ZNF710: variants seen among roughly 807,000 people sequenced by gnomAD.
ZNF710 encodes the protein zinc finger protein 710.
A neutral mutation model predicts 50.6 loss-of-function variants in ZNF710; 13 were observed. The ratio of observed to expected loss-of-function variants is 0.26; its 90% CI spans 0.17 to 0.41. ZNF710 has a LOEUF of 0.41. ZNF710 is among the 10% of genes least tolerant of loss of function. ZNF710 has a pLI of 1.00. For missense variants in ZNF710, 721 were observed against 936.6 expected (o/e 0.77, Z 3.01); for synonymous variants, 383 against 397.0 (o/e 0.96, Z 0.42).
intron 1 of ZNF710, among the ~76,000 whole-genome samples, chr15:90,024,195 A>C (rs1898705054): frequency 6.6e-6 from 1 of 152,192 alleles, no homozygotes. Context: ...CCACTGGGGC[A>C]CTGGGCACCC....
chr15:90,053,959 G>A (rs945472665), intron 1 of ZNF710, among the ~76,000 whole-genome samples: 9 of 152,140 alleles, frequency 5.9e-5, no homozygotes, highest in African/African-American at 2.2e-4. Flanking sequence ...GAGATGACCC[G>A]AGAGAGAGAA....
chr15:90,065,179 G>A (rs989704223), intron 1 of ZNF710, among the ~76,000 whole-genome samples: 2 of 152,200 alleles, frequency 1.3e-5, no homozygotes, highest in South Asian at 2.1e-4. Context: ...CTAAATTCCT[G>A]TCTGGGGTAT....
chr15:90,033,566 G>C (rs1469940185), intron 1 of ZNF710, among the ~76,000 whole-genome samples: 2 of 152,112 alleles, frequency 1.3e-5, no homozygotes, highest in East Asian at 3.8e-4. Context: ...TGTTTTTTTA[G>C]AGACAGGTTC....
At position 90,001,966 on chromosome 15, in the gene ZNF710, TGAGAGA is replaced by T. The variant is rs745830369; in HGVS notation, c.-29+378_-29+383del. ...GGCGAGAGGGAGGAGAGCGCGCGAA[TGAGAGA>T]GAGAGAGAGAGAGAGAGAGAGAGAG... On this transcript the variant is annotated intron_variant, in intron 1 of 4. Coordinates refer to ENST00000268154, the MANE Select transcript of ZNF710 (RefSeq NM_198526.4). 1.8e-3 allele frequency among the ~76,000 whole-genome samples: 173 copies of T among 96,816 alleles called. 1 individual carries two copies. The highest frequency in any genetic ancestry group is 2.6e-3 in the African/African-American group (62 of 23,602). 63.5% of individuals were successfully genotyped at this position (96,816 alleles called of 152,430 possible).
intron 1 of ZNF710, among the ~76,000 whole-genome samples, chr15:90,005,339 G>A (rs1043549020): frequency 1.3e-5 from 2 of 152,224 alleles, no homozygotes; most frequent in Admixed American, 6.5e-5. Context: ...GTGAGTCATT[G>A]CTTCAAACAA....
At chr15:90,078,226 A>AG (rs1246499927) in intron 4 of ZNF710, among the ~76,000 whole-genome samples, 1 of 149,502 alleles carries the variant, frequency 6.7e-6, no homozygotes, top group African/African-American at 2.5e-5. Flanking sequence ...AAAAAAAAAA[A>AG]AAGAAGAGAA....
In ZNF710 at chr15:90,064,138, G is replaced by A. The variant is rs1216363376; in HGVS notation, c.-28-2972G>A. Among the ~76,000 whole-genome samples the A allele has an allele frequency of 2.6e-5, 4 of 152,364 alleles. No homozygotes were observed. The East Asian group carries it at 7.7e-4, about 29-fold the overall frequency. On this transcript the variant is annotated intron_variant, in intron 1 of 4. Transcript: ENST00000268154. ...CCCAAACCCCACAACAGACAGGAGG[G>A]TTGCCGCTGGGTGCTGTGTCAGACG...
intron 2 of ZNF710, among the ~76,000 whole-genome samples, chr15:90,070,806 A>G (rs541330075): frequency 6.6e-6 from 1 of 152,328 alleles, no homozygotes; most frequent in East Asian, 1.9e-4. Flanking sequence ...GCAACAGAGC[A>G]AGACTCTGTC....
intron 1 of ZNF710, among the ~76,000 whole-genome samples, chr15:90,061,095 G>A (rs1228832605): frequency 6.6e-6 from 1 of 152,160 alleles, no homozygotes; most frequent in African/African-American, 2.4e-5. Flanking sequence ...GCCTGGCCTG[G>A]CAGAAGCCCC....
At position 90,037,484 on chromosome 15, in the gene ZNF710, C is replaced by G. The variant is rs138744529; in HGVS notation, c.-28-29626C>G. Among the ~76,000 whole-genome samples the G allele has an allele frequency of 3.7e-3, 565 of 152,292 alleles. 3 individuals are homozygous for G. Among genetic ancestry groups the G allele is most frequent in the African/African-American group, 0.013 (531 of 41,564 alleles). On this transcript the variant is annotated intron_variant, in intron 1 of 4. Transcript: ENST00000268154. ...CTAGGGGAGCACTAAGCATAGGTGT[C>G]CCTAGAGAGTCAGCTGGAAGGGACC...
chr15:90,046,603 C>G (rs1899469601), intron 1 of ZNF710, among the ~76,000 whole-genome samples: 2 of 152,106 alleles, frequency 1.3e-5, no homozygotes, highest in South Asian at 4.1e-4. Context: ...TCAGTAGTGA[C>G]CAGACCCAGG....
In ZNF710 at chr15:90,062,827, TACAC is replaced by T. The variant is rs917517668; in HGVS notation, c.-28-4278_-28-4275del. ...CCTCCTCAGCAGAGCCCCTTCTGCA[TACAC>T]ACACGCGCGCACGCGCACACACACA... is the stretch of plus-strand genomic sequence containing the variant. On this transcript the variant is annotated intron_variant, in intron 1 of 4. Coordinates refer to ENST00000268154, the MANE Select transcript of ZNF710 (RefSeq NM_198526.4). This position sits in a 1 kb window ranked among gnomAD's most constrained non-coding sequence, Gnocchi z 5.6. Among the ~76,000 whole-genome samples, 82 of 152,198 alleles carry T rather than the reference TACAC, an allele frequency of 5.4e-4. No homozygotes were observed. Among genetic ancestry groups the T allele is most frequent in the African/African-American group, 2.0e-3 (82 of 41,524 alleles).
chr15:90,002,409 C>T (rs1310191242), intron 1 of ZNF710: 2 of 151,958 alleles, frequency 1.3e-5, no homozygotes, highest in Non-Finnish European at 2.9e-5. Context: ...GGGCGGGGTC[C>T]CTACGGCCCG....
At chr15:90,006,755 G>A (rs954560973) in intron 1 of ZNF710, 12 of 154,916 alleles carry the variant, frequency 7.7e-5, no homozygotes, top group Admixed American at 3.3e-4. Flanking sequence ...CAGCATCAGC[G>A]TTACCTGGTA....
In ZNF710 at chr15:90,062,087, G is replaced by A. The variant is rs1900025452; in HGVS notation, c.-28-5023G>A. ...AATAGGGCAGTCCTGGGCTTCCGGT[G>A]TCACTGCACGCCCCTCCCCCTCCCG... On this transcript the variant is annotated intron_variant, in intron 1 of 4. Transcript: ENST00000268154. This position sits in a 1 kb window ranked among gnomAD's most constrained non-coding sequence, Gnocchi z 5.6. Among the ~76,000 whole-genome samples, 1 of 151,868 alleles carries A rather than the reference G, an allele frequency of 6.6e-6. No individual in the cohort carries two copies. Among genetic ancestry groups the A allele is most frequent in the Admixed American group, 6.6e-5 (1 of 15,256 alleles).
At chr15:90,077,613 G>C (rs2151541324) in intron 4 of ZNF710, among the ~76,000 whole-genome samples, 1 of 152,230 alleles carries the variant, frequency 6.6e-6, no homozygotes, top group East Asian at 1.9e-4. Context: ...CTAGGACTGA[G>C]GGAAGAAACA....
upstream of ZNF710, among the ~76,000 whole-genome samples, chr15:90,000,772 T>C (rs1001247492): frequency 1.1e-4 from 17 of 152,186 alleles, no homozygotes; most frequent in Admixed American, 3.9e-4. Flanking sequence ...CGCTCGCACT[T>C]GGGAAGGAAC....
rs1326583971 is a variant in ZNF710, at chr15:90,080,624, G to C, written c.*795G>C. The C allele has an allele frequency of 6.6e-6, 1 of 152,608 alleles. No homozygotes were observed. Among genetic ancestry groups the C allele is most frequent in the Admixed American group, 6.5e-5 (1 of 15,288 alleles). 9.5% of individuals were successfully genotyped at this position (152,608 alleles called of 1,614,324 possible). ...CTAACAAAACCAGAAGCATGGGGCAGGGCAGGGCGGAGTGAGGGCATCACA... is the reference window on the plus strand; with the variant it reads ...CTAACAAAACCAGAAGCATGGGGCACGGCAGGGCGGAGTGAGGGCATCACA... On this transcript the variant is annotated 3_prime_UTR_variant, in exon 5 of 5. Transcript: ENST00000268154.
At chr15:90,008,422 G>GTATATA (rs1567218312) in intron 1 of ZNF710, among the ~76,000 whole-genome samples, 33 of 126,946 alleles carry the variant, frequency 2.6e-4, no homozygotes, top group African/African-American at 1.1e-3. Context: ...GTGTGTGTGT[G>GTATATA]TGTGTATATA....
Sources: allele counts gnomAD v4.1 joint callset (sites outside exome capture counted in the v4.1 genomes callset), GRCh38; gene constraint gnomAD v4.1.1; non-coding constraint Gnocchi (gnomAD v3.1); transcripts MANE v1.5; gene names NCBI Gene and HGNC (gene_info 2026-07-23, HGNC 2026-07-21).